TMEM91: variants seen among roughly 807,000 people sequenced by gnomAD.
TMEM91 encodes transmembrane protein 91.
A neutral mutation model predicts 13.3 loss-of-function variants in TMEM91; 6 were observed. The observed-to-expected ratio is 0.45, with a 90% confidence interval of 0.25 to 0.89. TMEM91 has a LOEUF of 0.89. Among genes scored for constraint, TMEM91 ranks in the 40% least tolerant of loss-of-function variants. The pLI is 0.19. For synonymous variants in TMEM91, 87 were observed against 101.7 expected, an observed-to-expected ratio of 0.86 and a Z score of 0.87; for missense variants, 193 against 228.7, an observed-to-expected ratio of 0.84 and a Z score of 1.01.
At chr19:41,383,515 ATTATT>A (rs2038941764) in intron 3 of TMEM91, 195 bp from the exon 4 acceptor site, 1 of 1,451,414 alleles carries the variant, frequency 6.9e-7, no homozygotes, top group African/African-American at 1.4e-5. Context: ...AAAATTTATT[ATTATT>A]ATTATTTTTT....
upstream of TMEM91, among the ~76,000 whole-genome samples, chr19:41,375,287 T>C (rs1481706907): frequency 2.2e-5 from 2 of 91,564 alleles, no homozygotes; most frequent in Non-Finnish European, 5.1e-5. Context: ...TTTTTTTTTT[T>C]TTTTTTTTTT....
rs369444619 is a variant in TMEM91 at position 41,383,644 on chromosome 19, G to T, written c.361-71G>T. The T allele has an allele frequency of 1.9e-6, 3 of 1,614,046 alleles. No homozygotes were observed. In the South Asian group the frequency reaches 3.3e-5, roughly 18 times the overall value. On this transcript the variant is annotated intron_variant, in intron 3 of 3. Transcript: ENST00000392002. ...GAATGAATGAATGGGTATGTTGGGT[G>T]GGGGAGGGACCAGGGGAAGGGTCTG... is the stretch of plus-strand genomic sequence containing the variant.
chr19:41,370,607 A>G (rs1421826744), intron 1 of TMEM91, among the ~76,000 whole-genome samples: 1 of 151,936 alleles, frequency 6.6e-6, no homozygotes, highest in Non-Finnish European at 1.5e-5. Flanking sequence ...GGGTTTCACC[A>G]TATTGGCCAC....
upstream of TMEM91, among the ~76,000 whole-genome samples, chr19:41,375,850 G>A (rs1315541580): frequency 6.6e-6 from 1 of 151,434 alleles, no homozygotes; most frequent in South Asian, 2.1e-4. Flanking sequence ...TGCCGGGCGC[G>A]GTGGCTCACG....
In TMEM91 at chr19:41,383,808, G is replaced by A. The variant is rs370880269; in HGVS notation, c.454G>A (p.Val152Met). 8.1e-6 allele frequency: 13 copies of A among 1,611,540 alleles called. No homozygotes were observed. Among genetic ancestry groups the A allele is most frequent in the African/African-American group, 5.3e-5 (4 of 74,854 alleles). ...LLGVLAVGLGVCTYAAALVTL... is the reference protein window; with the variant it reads ...LLGVLAVGLGMCTYAAALVTL... ...GGGGGTCCTCGCCGTCGGGCTGGGC[G>A]TGTGCACGTATGCGGCTGCCCTGGT... The change falls in exon 4 of 4, where the codon GTG (valine) becomes ATG (methionine). Residue 152 changes from valine (V) to methionine (M), a missense_variant. Physicochemically the swap from Val to Met is conservative, Grantham distance 21. Coordinates refer to ENST00000392002, the MANE Select transcript of TMEM91 (RefSeq NM_001098821.2).
intron 1 of TMEM91, among the ~76,000 whole-genome samples, chr19:41,365,714 T>G (rs1433108898): frequency 2.1e-5 from 3 of 141,748 alleles, no homozygotes; most frequent in Non-Finnish European, 4.6e-5. Flanking sequence ...CGGGTTTTTT[T>G]TTTTTTTTTT....
intron 1 of TMEM91, among the ~76,000 whole-genome samples, chr19:41,371,366 C>CTTCCTTCT (rs1048558172): frequency 1.6e-5 from 2 of 128,048 alleles, no homozygotes; most frequent in East Asian, 4.3e-4. Flanking sequence ...TCCTTCCTTC[C>CTTCCTTCT]TTCTTTCCTT....
At chr19:41,379,455 GC>G (rs1388175584) in intron 2 of TMEM91, among the ~76,000 whole-genome samples, 2 of 150,836 alleles carry the variant, frequency 1.3e-5, no homozygotes, top group African/African-American at 2.4e-5. Context: ...GATCGCTTGA[GC>G]CCAGGCTGCA....
intron 1 of TMEM91, among the ~76,000 whole-genome samples, chr19:41,367,653 C>G (rs1031244257): frequency 6.6e-6 from 1 of 152,120 alleles, no homozygotes. Context: ...AAAACAACAA[C>G]AAACAGATCT....
intron 1 of TMEM91, among the ~76,000 whole-genome samples, chr19:41,371,370 T>TTCA (rs2038618191): frequency 1.3e-5 from 1 of 74,580 alleles, no homozygotes; most frequent in Non-Finnish European, 2.8e-5. Flanking sequence ...TCCTTCCTTC[T>TTCA]TTCCTTCCTT....
intron 1 of TMEM91, among the ~76,000 whole-genome samples, chr19:41,366,483 T>C (rs984192833): frequency 1.1e-4 from 16 of 152,152 alleles, no homozygotes; most frequent in Non-Finnish European, 1.5e-4. Flanking sequence ...GCACCCCACA[T>C]GCAGCTGGAA....
At chr19:41,365,277 G>A (rs2038498546) in intron 1 of TMEM91, among the ~76,000 whole-genome samples, 1 of 152,156 alleles carries the variant, frequency 6.6e-6, no homozygotes, top group South Asian at 2.1e-4. Context: ...GGCGGGAAGA[G>A]CTCTTGAGGC....
chr19:41,382,444 T>C (rs1446895530), intron 2 of TMEM91, among the ~76,000 whole-genome samples: 1 of 151,880 alleles, frequency 6.6e-6, no homozygotes, highest in African/African-American at 2.4e-5. Context: ...GCCAACATGG[T>C]GAAACCCCAT....
upstream of TMEM91, among the ~76,000 whole-genome samples, chr19:41,372,019 C>T (rs577142668): frequency 5.3e-5 from 8 of 151,102 alleles, no homozygotes; most frequent in East Asian, 9.7e-4. Flanking sequence ...CCACCGTGCT[C>T]GGCTAATTTT....
At chr19:41,366,861 G>C (rs2038535665) in intron 1 of TMEM91, among the ~76,000 whole-genome samples, 1 of 152,138 alleles carries the variant, frequency 6.6e-6, no homozygotes, top group Admixed American at 6.6e-5. Context: ...ATTGAGGCCG[G>C]ATTCGGTGGT....
At chr19:41,382,642 C>T (rs1460174477) in intron 2 of TMEM91, 130 bp from the exon 3 acceptor site, 1 of 1,302,742 alleles carries the variant, frequency 7.7e-7, no homozygotes, top group Non-Finnish European at 1.0e-6. Flanking sequence ...CATCTCTGAA[C>T]ACTTTTTTCT....
chr19:41,364,063 G>C (rs1303778334), exon 1 of TMEM91: 1 of 168,288 alleles, frequency 5.9e-6, no homozygotes, highest in Non-Finnish European at 1.3e-5. Flanking sequence ...CCTGGCTCGC[G>C]CCTCTCCCAG....
Position 41,383,523 on chromosome 19 carries a change from TA to T in TMEM91, c.361-191del, listed in dbSNP as rs200952867. ...ATTTTTTAAAATTTATTATTATTAT[TA>T]TTTTTTACCATTTTAATGTTTTTAT... On this transcript the variant is annotated intron_variant, in intron 3 of 3. Coordinates refer to ENST00000392002, the MANE Select transcript of TMEM91 (RefSeq NM_001098821.2). The T allele has an allele frequency of 1.2e-4, 181 of 1,464,708 alleles. 3 individuals carry two copies. The highest frequency in any genetic ancestry group is 2.6e-4 in the South Asian group (17 of 65,934). 90.7% of individuals were successfully genotyped at this position (1,464,708 alleles called of 1,614,324 possible).
chr19:41,368,957 A>C (rs1251300505), intron 1 of TMEM91, among the ~76,000 whole-genome samples: 1 of 151,932 alleles, frequency 6.6e-6, no homozygotes, highest in Non-Finnish European at 1.5e-5. Context: ...ACTACAAAAA[A>C]TACAAAAAAT....
Sources: gnomAD v4.1 joint callset for allele counts (sites outside exome capture counted in the v4.1 genomes callset) on GRCh38, gnomAD v4.1.1 for gene constraint, MANE v1.5 for transcripts, NCBI Gene and HGNC (gene_info 2026-07-23, HGNC 2026-07-21) for gene names.